Variants in UNKL observed in about 807,000 individuals in gnomAD.
UNKL encodes the protein unk like zinc finger.
A neutral mutation model predicts 78.0 loss-of-function variants in UNKL; 60 were observed. The ratio of observed to expected loss-of-function variants is 0.77; its 90% CI spans 0.63 to 0.95. UNKL has a LOEUF of 0.95. Among genes scored for constraint, UNKL ranks in the 40% least tolerant of loss-of-function variants. The pLI is 0.00. For synonymous variants in UNKL, 608 were observed against 474.8 expected (o/e 1.28, Z -3.65); for missense variants, 1,159 against 1,045.7 (o/e 1.11, Z -1.49).
In UNKL at chr16:1,366,191, G is replaced by T. The variant is rs776797235; in HGVS notation, c.*49C>A. ...GTGACGACATGTCCGTGGTCAGGAG[G>T]AGCGCTGGAGCCAGGGTGCCCAGCA... On this transcript the variant is annotated 3_prime_UTR_variant, in exon 15 of 15. Transcript: ENST00000389221. 5.9e-5 allele frequency: 85 copies of T among 1,448,276 alleles called. 1 individual carries two copies. The East Asian group carries it at 1.8e-3, about 31-fold the overall frequency. 89.7% of individuals were successfully genotyped at this position (1,448,276 alleles called of 1,614,324 possible).
At chr16:1,375,112 G>A (rs112274086) in intron 10 of UNKL, among the ~76,000 whole-genome samples, 114 of 152,296 alleles carry the variant, frequency 7.5e-4, no homozygotes, top group African/African-American at 2.5e-3. Context: ...CCTGGCGCTC[G>A]GCGGTCACAC....
At chr16:1,391,822 G>A (rs2142132455) in intron 8 of UNKL, among the ~76,000 whole-genome samples, 1 of 152,220 alleles carries the variant, frequency 6.6e-6, no homozygotes, top group East Asian at 1.9e-4. Flanking sequence ...GGAGTAGCTG[G>A]GATTACAGGC....
At chr16:1,372,966 C>T (rs1422404525) in intron 10 of UNKL, among the ~76,000 whole-genome samples, 6 of 23,730 alleles carry the variant, frequency 2.5e-4, no homozygotes, top group Non-Finnish European at 3.8e-4. Context: ...CGGCCAACAC[C>T]GCACAGAGAC....
chr16:1,398,801 G>A, intron 5 of UNKL: 5 of 1,546,004 alleles, frequency 3.2e-6, no homozygotes, highest in Non-Finnish European at 4.4e-6. Context: ...CAGGCTGCGA[G>A]GTGCCAAACC....
At chr16:1,391,239 TACACACACACACACACAC>T (rs142620901) in intron 8 of UNKL, among the ~76,000 whole-genome samples, 1 of 10,360 alleles carries the variant, frequency 9.7e-5, no homozygotes, top group Non-Finnish European at 1.8e-4. Flanking sequence ...CCCTTAAAGA[TACACACACACACACACAC>T]ACACACACAC....
At chr16:1,390,816 G>T in intron 8 of UNKL, 122 bp from the exon 9 acceptor site, 1 of 1,050,052 alleles carries the variant, frequency 9.5e-7, no homozygotes, top group Non-Finnish European at 1.4e-6. Flanking sequence ...GATCATCTGA[G>T]CTCAGGAGTT....
chr16:1,370,140 G>A lies in UNKL; in HGVS notation c.1575C>T (p.Tyr525=), dbSNP rs1436952308. 1 of 1,523,782 alleles carries A rather than the reference G, an allele frequency of 6.6e-7. No individual in the cohort carries two copies. The highest frequency in any genetic ancestry group is 2.5e-5 in the East Asian group (1 of 40,488). The allele number at this position is 1,523,782 out of a possible 1,614,324, so 94.4% of individuals were successfully genotyped here. The change falls in exon 12 of 15, where the codon TAC becomes TAT. Residue 525 remains tyrosine (Y), a synonymous_variant. Transcript: ENST00000389221. Reference sequence around the variant, plus strand: ...GGAGCCGGCACTCACCTAGGGGGCTGTAGGATGAGGCTGCAGAGCCCAGTG... The same window carrying A: ...GGAGCCGGCACTCACCTAGGGGGCTATAGGATGAGGCTGCAGAGCCCAGTG... ...PGTLGSAASS[Y]SPLGLNGVPG...
intron 6 of UNKL, chr16:1,396,939 C>G: frequency 1.8e-6 from 1 of 541,008 alleles, no homozygotes. Flanking sequence ...CCACATGACT[C>G]TTTCTTCTGT....
chr16:1,386,078 G>A (rs1356547594), intron 9 of UNKL, among the ~76,000 whole-genome samples: 1 of 152,234 alleles, frequency 6.6e-6, no homozygotes, highest in Non-Finnish European at 1.5e-5. Context: ...AGCCACCTAC[G>A]AGGTCACTGC....
In UNKL at chr16:1,363,377, C is replaced by T; in HGVS notation, c.*2863G>A. On this transcript the variant is annotated 3_prime_UTR_variant, in exon 15 of 15. Transcript: ENST00000389221. ...CCTTCTGGGTTAAGAAAATTCCATTCAAATAACATTCTCATGTAAATACTC... is the reference window on the plus strand; with the variant it reads ...CCTTCTGGGTTAAGAAAATTCCATTTAAATAACATTCTCATGTAAATACTC... 1 of 429,740 alleles carries T rather than the reference C, an allele frequency of 2.3e-6. No individual in the cohort carries two copies. Among genetic ancestry groups the T allele is most frequent in the Non-Finnish European group, 4.3e-6 (1 of 230,238 alleles). 26.6% of individuals were successfully genotyped at this position (429,740 alleles called of 1,614,324 possible).
In UNKL at chr16:1,392,890, C is replaced by T; in HGVS notation, c.1023+1G>A. 6.4e-7 allele frequency: 1 copy of T among 1,550,614 alleles called. No homozygotes were observed. Among genetic ancestry groups the T allele is most frequent in the Non-Finnish European group, 8.7e-7 (1 of 1,147,010 alleles). On this transcript the variant is annotated splice_donor_variant, in intron 8 of 14. Transcript: ENST00000389221. LOFTEE classifies it high-confidence loss of function. ...TTGTCCTGGGAAGGCCGTTCACTTA[C>T]ATTTCCCGGCTGGCCGCTGCCCGTG...
intron 2 of UNKL, among the ~76,000 whole-genome samples, chr16:1,408,286 T>C (rs2037865441): frequency 1.3e-5 from 2 of 151,848 alleles, no homozygotes; most frequent in South Asian, 4.2e-4. Flanking sequence ...ACCAGGACGG[T>C]TCCCACGGGG....
At chr16:1,367,441 TCCCCA>T in intron 13 of UNKL, 92 bp from the exon 14 acceptor site, 1 of 1,318,334 alleles carries the variant, frequency 7.6e-7, no homozygotes. Flanking sequence ...TCCCCTCCCC[TCCCCA>T]GCATCAGCTG....
chr16:1,370,211 T>C lies in UNKL; in HGVS notation c.1504A>G (p.Met502Val). The change falls in exon 12 of 15, where the codon ATG becomes GTG. Residue 502 changes from methionine to valine, a missense_variant. By Grantham distance (21) the Met-to-Val change is conservative. Transcript: ENST00000389221. ...PLPGPVGSSA[M>V]TPPQQPPPLR... is the part of the protein sequence containing the mutation. ...GGTGGCGGCTGCTGGGGAGGCGTCA[T>C]GGCTGAGGAGCCCACCGGCCCTGGG... 1 of 1,529,656 alleles carries C rather than the reference T, an allele frequency of 6.5e-7. No homozygotes were observed. 94.8% of individuals were successfully genotyped at this position (1,529,656 alleles called of 1,614,324 possible). A position where few individuals can be genotyped will look rare whatever the true frequency, so the allele number is the denominator to read the frequency against.
chr16:1,393,298 T>A (rs1290039389), intron 7 of UNKL, among the ~76,000 whole-genome samples: 1 of 152,162 alleles, frequency 6.6e-6, no homozygotes, highest in African/African-American at 2.4e-5. Flanking sequence ...ACCCAAATCC[T>A]AGGGCTGGGA....
At chr16:1,385,692 G>C (rs1053962322) in intron 9 of UNKL, among the ~76,000 whole-genome samples, 12 of 152,366 alleles carry the variant, frequency 7.9e-5, no homozygotes, top group African/African-American at 2.9e-4. Flanking sequence ...GGCACGTGCA[G>C]AAAGATGTGT....
At chr16:1,379,743 C>T (rs903638645) in intron 10 of UNKL, 236 of 942,828 alleles carry the variant, frequency 2.5e-4, no homozygotes, top group Non-Finnish European at 2.9e-4. Context: ...CTCGGCCCCG[C>T]CCCCGTCGCA....
intron 12 of UNKL, 200 bp from the exon 13 acceptor site, chr16:1,368,058 C>A: frequency 1.7e-6 from 1 of 598,054 alleles, no homozygotes; most frequent in Non-Finnish European, 3.0e-6. Context: ...CTGACAGTGA[C>A]ACCTGCCCCG....
Position 1,365,667 on chromosome 16 carries a change from CATTTCAT to C in UNKL, c.*566_*572del, listed in dbSNP as rs2035186729. On this transcript the variant is annotated 3_prime_UTR_variant, in exon 15 of 15. Transcript: ENST00000389221. ...TAGGTCTTACTACTAGATAAACACT[CATTTCAT>C]AAGTACTAGTTTCAGAATATGAAAT... 6.6e-6 allele frequency: 1 copy of C among 152,484 alleles called. No homozygotes were observed. The highest frequency in any genetic ancestry group is 1.5e-5 in the Non-Finnish European group (1 of 68,028). 9.4% of individuals were successfully genotyped at this position (152,484 alleles called of 1,614,324 possible). A position where few individuals can be genotyped will look rare whatever the true frequency, so the allele number is the denominator to read the frequency against.
Sources: allele counts gnomAD v4.1 joint callset (sites outside exome capture counted in the v4.1 genomes callset), GRCh38; gene constraint gnomAD v4.1.1; transcripts MANE v1.5; gene names NCBI Gene and HGNC (gene_info 2026-07-23, HGNC 2026-07-21).